ANKRD30BL: variants seen among roughly 807,000 people sequenced by gnomAD.
ANKRD30BL encodes putative ankyrin repeat domain-containing protein 30B-like.
ANKRD30BL carries 20 observed loss-of-function variants against 18.4 expected under a neutral mutation model. The observed-to-expected ratio is 1.09, with a 90% CI of 0.77 to 1.58. The LOEUF is 1.58. ANKRD30BL is among the 40% of genes most tolerant of loss of function. The probability of loss-of-function intolerance (pLI) is 0.00; values close to 1 mark genes in which losing one functional copy is unlikely to be tolerated. For synonymous variants in ANKRD30BL, 72 were observed against 100.9 expected (o/e 0.71, Z 1.72); for missense variants, 224 against 268.6 (o/e 0.83, Z 1.16).
intron 1 of ANKRD30BL, among the ~76,000 whole-genome samples, chr2:132,222,022 C>A (rs1263964799): frequency 2.3e-5 from 3 of 128,888 alleles, no homozygotes; most frequent in African/African-American, 6.4e-5. Context: ...GCCCGGCCAG[C>A]CACCCTGTCC....
chr2:132,193,501 A>G (rs1382413519), intron 1 of ANKRD30BL, among the ~76,000 whole-genome samples: 1 of 151,974 alleles, frequency 6.6e-6, no homozygotes, highest in Non-Finnish European at 1.5e-5. Flanking sequence ...CCCACATGGT[A>G]TAGCATCTGA....
At chr2:132,252,785 C>T (rs76317881) in intron 1 of ANKRD30BL, among the ~76,000 whole-genome samples, 8 of 152,108 alleles carry the variant, frequency 5.3e-5, no homozygotes, top group Admixed American at 3.9e-4. Flanking sequence ...CCTTCCACCC[C>T]GCCAGGGCCA....
At chr2:132,252,353 C>T (rs1680672401) in intron 1 of ANKRD30BL, among the ~76,000 whole-genome samples, 1 of 152,200 alleles carries the variant, frequency 6.6e-6, no homozygotes, top group Non-Finnish European at 1.5e-5. Context: ...GACATGGAAG[C>T]TCCGGATGGG....
At chr2:132,156,512 C>G (rs1687910222) in intron 3 of ANKRD30BL, 1 of 152,150 alleles carries the variant, frequency 6.6e-6, no homozygotes, top group Admixed American at 6.6e-5. Flanking sequence ...CAGTAGCAAA[C>G]TGGAAACATA....
intron 1 of ANKRD30BL, among the ~76,000 whole-genome samples, chr2:132,177,621 C>T (rs1296115429): frequency 6.6e-6 from 1 of 152,096 alleles, no homozygotes; most frequent in Non-Finnish European, 1.5e-5. Flanking sequence ...GAGAGTCTTC[C>T]CTAGTGATTA....
intron 1 of ANKRD30BL, among the ~76,000 whole-genome samples, chr2:132,186,715 G>A (rs201642380): frequency 1.3e-5 from 2 of 152,174 alleles, no homozygotes; most frequent in Non-Finnish European, 1.5e-5. Context: ...CACATACTGA[G>A]TATGGAATTA....
chr2:132,177,078 T>C (rs1226522489), intron 1 of ANKRD30BL, among the ~76,000 whole-genome samples: 1 of 152,230 alleles, frequency 6.6e-6, no homozygotes, highest in Non-Finnish European at 1.5e-5. Flanking sequence ...AAACCCATTT[T>C]CAATGCAAGT....
chr2:132,254,580 G>T (rs965526707), intron 1 of ANKRD30BL, among the ~76,000 whole-genome samples: 2 of 152,172 alleles, frequency 1.3e-5, no homozygotes, highest in African/African-American at 2.4e-5. Flanking sequence ...CCTCATTCAT[G>T]GGGAAAAATT....
chr2:132,253,874 G>T (rs72869415), intron 1 of ANKRD30BL, among the ~76,000 whole-genome samples: 1 of 152,078 alleles, frequency 6.6e-6, no homozygotes, highest in Non-Finnish European at 1.5e-5. Flanking sequence ...GAGAGCAAGC[G>T]GGCCGGGCCG....
rs538071559 is a variant in ANKRD30BL at position 132,193,683 on chromosome 2, G to A, written n.442-36537C>T. Reference sequence around the variant, plus strand: ...GCTAAAGGAGACATTCTGAATGCAGGGGGCACCATCTTTTATACATATTCT... The same window carrying A: ...GCTAAAGGAGACATTCTGAATGCAGAGGGCACCATCTTTTATACATATTCT... On this transcript the variant is annotated intron_variant and non_coding_transcript_variant, in intron 1 of 4. Coordinates refer to the ANKRD30BL transcript ENST00000470729. Among the ~76,000 whole-genome samples the A allele has an allele frequency of 2.4e-3, 358 of 152,120 alleles. 2 individuals carry two copies. The highest frequency in any genetic ancestry group is 7.5e-3 in the African/African-American group (313 of 41,460).
At position 132,217,313 on chromosome 2, in the gene ANKRD30BL, T is replaced by C. The variant is rs376128276; in HGVS notation, n.441+40216A>G. ...TTCTCAGAAACTTCTTTGTGCTGTGTGCATTCACCTCACAGAATTGAACCT... is the reference window on the plus strand; with the variant it reads ...TTCTCAGAAACTTCTTTGTGCTGTGCGCATTCACCTCACAGAATTGAACCT... On this transcript the variant is annotated intron_variant and non_coding_transcript_variant, in intron 1 of 4. Coordinates refer to the ANKRD30BL transcript ENST00000470729. 3.3e-5 allele frequency among the ~76,000 whole-genome samples: 5 copies of C among 152,228 alleles called. No individual in the cohort carries two copies. The East Asian group carries it at 9.7e-4, about 29-fold the overall frequency.
intron 1 of ANKRD30BL, among the ~76,000 whole-genome samples, chr2:132,173,145 T>C (rs1688310394): frequency 6.6e-6 from 1 of 152,170 alleles, no homozygotes; most frequent in African/African-American, 2.4e-5. Flanking sequence ...TATTTTTTTT[T>C]CTAGGAGTTT....
intron 1 of ANKRD30BL, among the ~76,000 whole-genome samples, chr2:132,195,788 C>CAAAAAAAA (rs1205804103): frequency 2.5e-4 from 12 of 48,652 alleles, no homozygotes; most frequent in African/African-American, 6.3e-4. Context: ...GAGCCTCTGC[C>CAAAAAAAA]AAAAAAAAAA....
intron 1 of ANKRD30BL, among the ~76,000 whole-genome samples, chr2:132,206,397 T>A (rs567489559): frequency 6.6e-6 from 1 of 152,134 alleles, no homozygotes; most frequent in Non-Finnish European, 1.5e-5. Context: ...AAGTGTGTGT[T>A]GTCTGAACCC....
upstream of ANKRD30BL, among the ~76,000 whole-genome samples, chr2:132,164,694 T>C (rs1175653895): frequency 6.6e-6 from 1 of 152,248 alleles, no homozygotes. Context: ...ACATTCTGCA[T>C]TCCATCTCAG....
At chr2:132,224,418 A>C (rs533338341) in intron 1 of ANKRD30BL, among the ~76,000 whole-genome samples, 1 of 152,230 alleles carries the variant, frequency 6.6e-6, no homozygotes, top group African/African-American at 2.4e-5. Context: ...TCTTTGTAGA[A>C]TCTGCAAGTG....
At chr2:132,181,971 C>G (rs1045349249) in intron 1 of ANKRD30BL, among the ~76,000 whole-genome samples, 1 of 151,678 alleles carries the variant, frequency 6.6e-6, no homozygotes, top group Non-Finnish European at 1.5e-5. Context: ...ATTAGCCGGG[C>G]GTGGTGGTGC....
chr2:132,237,535 G>T (rs1012943023), intron 1 of ANKRD30BL, among the ~76,000 whole-genome samples: 11 of 152,124 alleles, frequency 7.2e-5, no homozygotes, highest in Admixed American at 2.0e-4. Context: ...TTTTGATAGA[G>T]CAGATTGGAA....
At chr2:132,183,794 C>T (rs144116544) in intron 1 of ANKRD30BL, among the ~76,000 whole-genome samples, 2,547 of 151,992 alleles carry the variant, frequency 0.017, 69 homozygotes, top group African/African-American at 0.058. Context: ...TATATATATG[C>T]ATGTTTATGC....
Sources: allele counts gnomAD v4.1 joint callset (sites outside exome capture counted in the v4.1 genomes callset), GRCh38; gene constraint gnomAD v4.1.1; transcripts MANE v1.5; gene names NCBI Gene and HGNC (gene_info 2026-07-23, HGNC 2026-07-21).